Variants in TTC6 observed in about 807,000 individuals in gnomAD.
TTC6 encodes tetratricopeptide repeat domain 6, also known as tetratricopeptide repeat protein 6.
In TTC6, 172 loss-of-function variants were observed where a neutral mutation model predicts 210.4. The ratio of observed to expected loss-of-function variants is 0.82; its 90% CI spans 0.72 to 0.93. TTC6 has a LOEUF of 0.93. Among genes scored for constraint, TTC6 ranks in the 40% least tolerant of loss-of-function variants. The pLI, the probability that TTC6 is intolerant of heterozygous loss-of-function variation, is 0.00. For synonymous variants in TTC6, 804 were observed against 819.6 expected, an observed-to-expected ratio of 0.98 and a Z score of 0.32; for missense variants, 2,414 against 2,318.1, an observed-to-expected ratio of 1.04 and a Z score of -0.85.
intron 1 of TTC6, among the ~76,000 whole-genome samples, chr14:37,625,283 C>G (rs2095658269): frequency 6.6e-6 from 1 of 152,022 alleles, no homozygotes. Context: ...CGCGGTGGCT[C>G]ACGCTTGTAA....
intron 14 of TTC6, among the ~76,000 whole-genome samples, chr14:37,762,207 T>C (rs982505236): frequency 6.6e-6 from 1 of 152,214 alleles, no homozygotes; most frequent in Non-Finnish European, 1.5e-5. Context: ...TAAGACACAT[T>C]TTCTTTGCTT....
intron 4 of TTC6, among the ~76,000 whole-genome samples, chr14:37,701,040 A>G (rs1210741959): frequency 2.0e-5 from 3 of 152,076 alleles, no homozygotes; most frequent in African/African-American, 7.2e-5. Context: ...TTGGGGTGGG[A>G]TGATAAAGAG....
chr14:37,739,080 G>A lies in TTC6; in HGVS notation c.2288G>A (p.Trp763Ter). 1.3e-6 allele frequency: 2 copies of A among 1,531,448 alleles called. No homozygotes were observed. Among genetic ancestry groups the A allele is most frequent in the Non-Finnish European group, 8.7e-7 (1 of 1,145,774 alleles). 94.9% of individuals were successfully genotyped at this position (1,531,448 alleles called of 1,614,324 possible). A position where few individuals can be genotyped will look rare whatever the true frequency, so the allele number is the denominator to read the frequency against. Residue 763 changes from tryptophan to a stop codon, truncating the protein, a stop_gained, in exon 10 of 31, where the codon TGG becomes TAG. Coordinates refer to ENST00000553443, the Ensembl canonical transcript of TTC6. LOFTEE classifies it high-confidence loss of function. ...TATCCCAAGAAAAAGAAGATGAGAT[G>A]GAAGAAAAGATTGAAACAACAAAAA...
At chr14:37,738,466 T>C (rs2095908085) in intron 9 of TTC6, among the ~76,000 whole-genome samples, 2 of 151,984 alleles carry the variant, frequency 1.3e-5, no homozygotes, top group Non-Finnish European at 1.5e-5. Flanking sequence ...ATAATTTATT[T>C]GGATATATAG....
intron 26 of TTC6, among the ~76,000 whole-genome samples, chr14:37,820,878 C>CCTCCTTCTT (rs1555403352): frequency 2.1e-4 from 31 of 145,968 alleles, no homozygotes; most frequent in Admixed American, 8.8e-4. Context: ...TCCTCCTTCT[C>CCTCCTTCTT]CTCCTCCTTC....
intron 7 of TTC6, among the ~76,000 whole-genome samples, chr14:37,734,043 C>T (rs780866105): frequency 6.6e-4 from 101 of 152,132 alleles, no homozygotes; most frequent in South Asian, 5.4e-3. Context: ...TGTTTGCTTA[C>T]CATTGTATTT....
chr14:37,756,808 CTT>C (rs530310304), intron 14 of TTC6, among the ~76,000 whole-genome samples: 1 of 151,166 alleles, frequency 6.6e-6, no homozygotes, highest in African/African-American at 2.4e-5. Flanking sequence ...CTGAAATTTT[CTT>C]TTTTTTTGTT....
chr14:37,671,637 T>G (rs2138482235), intron 1 of TTC6, among the ~76,000 whole-genome samples: 1 of 152,246 alleles, frequency 6.6e-6, no homozygotes, highest in African/African-American at 2.4e-5. Flanking sequence ...ACAGTGTTTT[T>G]GAGATGTAGT....
At chr14:37,738,729 A>G in intron 9 of TTC6, 47 bp from the exon 12 acceptor site, 2 of 1,392,320 alleles carry the variant, frequency 1.4e-6, no homozygotes, top group Non-Finnish European at 1.9e-6. Context: ...ATGCATAGCA[A>G]CTAAATTGAT....
At chr14:37,785,353 T>C (rs546061666) in intron 14 of TTC6, among the ~76,000 whole-genome samples, 1 of 152,336 alleles carries the variant, frequency 6.6e-6, no homozygotes, top group South Asian at 2.1e-4. Context: ...ACTTTTCACT[T>C]CATTTCATTA....
chr14:37,730,270 T>G (rs1401598341), intron 7 of TTC6, among the ~76,000 whole-genome samples: 2 of 152,226 alleles, frequency 1.3e-5, no homozygotes, highest in Non-Finnish European at 2.9e-5. Context: ...TAAACTTATA[T>G]TTTTCAGTTT....
At chr14:37,738,237 T>G (rs1218550844) in intron 9 of TTC6, among the ~76,000 whole-genome samples, 2 of 150,972 alleles carry the variant, frequency 1.3e-5, no homozygotes, top group African/African-American at 2.4e-5. Flanking sequence ...AATGATTAGA[T>G]AAAATAAATA....
exon 16 of TTC6, chr14:37,790,767 A>C: frequency 6.5e-7 from 1 of 1,534,758 alleles, no homozygotes; most frequent in African/African-American, 1.4e-5. Flanking sequence ...ACATCGGGGA[A>C]TAGTCTATGC....
At chr14:37,668,090 A>G (rs886836348) in intron 1 of TTC6, among the ~76,000 whole-genome samples, 1 of 150,126 alleles carries the variant, frequency 6.7e-6, no homozygotes, top group South Asian at 2.1e-4. Flanking sequence ...AGCTGAGATC[A>G]TGCCACTGCA....
intron 7 of TTC6, among the ~76,000 whole-genome samples, chr14:37,732,880 A>C (rs146936042): frequency 8.6e-5 from 13 of 151,880 alleles, no homozygotes; most frequent in South Asian, 2.1e-4. Flanking sequence ...TGCTGGACTT[A>C]AAGCGTGAGC....
rs1457448611 is a variant in TTC6 at position 37,792,249 on chromosome 14, C to T, written c.3558-15C>T. The T allele has an allele frequency of 1.3e-6, 2 of 1,490,444 alleles. No homozygotes were observed. The highest frequency in any genetic ancestry group is 8.9e-7 in the Non-Finnish European group (1 of 1,125,038). The allele number at this position is 1,490,444 out of a possible 1,614,324, so 92.3% of individuals were successfully genotyped here. On this transcript the variant is annotated splice_polypyrimidine_tract_variant and intron_variant, in intron 16 of 30. Coordinates refer to ENST00000553443, the Ensembl canonical transcript of TTC6. ...AAAATGTTTAACAAGATTTCACTTTCTCATTTTTTTTTAGAACTATTACTT... is the reference window on the plus strand; with the variant it reads ...AAAATGTTTAACAAGATTTCACTTTTTCATTTTTTTTTAGAACTATTACTT...
At chr14:37,766,192 T>C (rs888968868) in intron 14 of TTC6, among the ~76,000 whole-genome samples, 1 of 152,236 alleles carries the variant, frequency 6.6e-6, no homozygotes, top group East Asian at 1.9e-4. Context: ...TCACAACATA[T>C]GCATATGTTG....
At chr14:37,785,883 G>A (rs1439307113) in intron 14 of TTC6, among the ~76,000 whole-genome samples, 2 of 152,144 alleles carry the variant, frequency 1.3e-5, no homozygotes, top group East Asian at 3.9e-4. Flanking sequence ...GAGTTTGCTG[G>A]AGGTCCACTC....
At chr14:37,770,181 T>C (rs912921738) in intron 14 of TTC6, among the ~76,000 whole-genome samples, 3 of 152,112 alleles carry the variant, frequency 2.0e-5, no homozygotes, top group Non-Finnish European at 4.4e-5. Flanking sequence ...TTTGTTATAA[T>C]TTCTGTTCTT....
Sources: allele counts gnomAD v4.1 joint callset (sites outside exome capture counted in the v4.1 genomes callset), GRCh38; gene constraint gnomAD v4.1.1; transcripts MANE v1.5; gene names NCBI Gene and HGNC (gene_info 2026-07-23, HGNC 2026-07-21).